SHISA5: variants seen among roughly 807,000 people sequenced by gnomAD.
SHISA5 encodes the protein shisa family member 5, also known as protein shisa-5.
In SHISA5, 21 loss-of-function variants were observed where a neutral mutation model predicts 27.5. The observed-to-expected ratio is 0.76, with a 90% confidence interval of 0.54 to 1.10. SHISA5 has a LOEUF of 1.10. Ranked by LOEUF, SHISA5 falls within the 50% of genes least tolerant of loss-of-function variation. The pLI is 0.00. For missense variants in SHISA5, 314 were observed against 336.3 expected (o/e 0.93, Z 0.52); for synonymous variants, 137 against 142.2 (o/e 0.96, Z 0.26).
intron 1 of SHISA5, among the ~76,000 whole-genome samples, chr3:48,503,508 CTG>C (rs1189614633): frequency 6.6e-6 from 1 of 152,234 alleles, no homozygotes; most frequent in Non-Finnish European, 1.5e-5. Flanking sequence ...CTTCCAGACT[CTG>C]TGAATCACCT....
chr3:48,497,765 G>C (rs1372433941), intron 2 of SHISA5, among the ~76,000 whole-genome samples: 1 of 151,994 alleles, frequency 6.6e-6, no homozygotes, highest in Admixed American at 6.6e-5. Flanking sequence ...GCAGGCACCT[G>C]TAATCCCAGC....
intron 2 of SHISA5, among the ~76,000 whole-genome samples, chr3:48,494,299 CTT>C (rs1328472129): frequency 2.5e-4 from 32 of 129,662 alleles, no homozygotes; most frequent in African/African-American, 3.2e-4. Context: ...TCTGGATTTC[CTT>C]TTTTTTTTTT....
At chr3:48,486,594 T>G (rs180938803) in intron 2 of SHISA5, among the ~76,000 whole-genome samples, 2,145 of 131,060 alleles carry the variant, frequency 0.016, 59 homozygotes, top group African/African-American at 0.055. Context: ...ATTATATATA[T>G]AGATTATATA....
chr3:48,499,026 G>A (rs756154006), intron 2 of SHISA5, among the ~76,000 whole-genome samples: 3 of 145,844 alleles, frequency 2.1e-5, no homozygotes, highest in Non-Finnish European at 3.0e-5. Flanking sequence ...AGGTTGTGGT[G>A]AGCCAAGAAC....
In SHISA5 at chr3:48,473,165, G is replaced by A. The variant is rs1311220430; in HGVS notation, c.315-3322C>T. The A allele has an allele frequency of 6.9e-6, 10 of 1,444,126 alleles. No individual in the cohort carries two copies. Among genetic ancestry groups the A allele is most frequent in the Admixed American group, 2.7e-5 (1 of 37,696 alleles). The allele number at this position is 1,444,126 out of a possible 1,614,324, so 89.5% of individuals were successfully genotyped here. A position where few individuals can be genotyped will look rare whatever the true frequency, so the allele number is the denominator to read the frequency against. On this transcript the variant is annotated intron_variant, in intron 3 of 5. Coordinates refer to ENST00000296444, the MANE Select transcript of SHISA5 (RefSeq NM_016479.6). The surrounding 1 kb of genome is among the most constrained non-coding windows in gnomAD (Gnocchi z 4.3). ...CGTCAGCCACAGGAAGCACAGACGC[G>A]AAGCCCCGTTCCACCCTCTTAAAGA...
intron 3 of SHISA5, among the ~76,000 whole-genome samples, chr3:48,478,801 A>C (rs2040906086): frequency 6.6e-6 from 1 of 152,058 alleles, no homozygotes; most frequent in Admixed American, 6.6e-5. Flanking sequence ...ACCAATGCCC[A>C]ATCACAATAT....
Position 48,470,467 on chromosome 3 carries a change from C to A in SHISA5, c.315-624G>T, listed in dbSNP as rs1341945686. On this transcript the variant is annotated intron_variant, in intron 3 of 5. Coordinates refer to ENST00000296444, the MANE Select transcript of SHISA5 (RefSeq NM_016479.6). The surrounding 1 kb of genome is among the most constrained non-coding windows in gnomAD (Gnocchi z 4.3). ...CTGCAAGCTTGCTGTATGCCAAGCA[C>A]CGTGCCAGGGGTCACACACACCCCT... Among the ~76,000 whole-genome samples, 1 of 152,218 alleles carries A rather than the reference C, an allele frequency of 6.6e-6. No homozygotes were observed. The highest frequency in any genetic ancestry group is 1.5e-5 in the Non-Finnish European group (1 of 68,050).
At chr3:48,482,739 G>C (rs1388440673) in intron 2 of SHISA5, among the ~76,000 whole-genome samples, 1 of 151,786 alleles carries the variant, frequency 6.6e-6, no homozygotes, top group Non-Finnish European at 1.5e-5. Context: ...AGGTTCAAGC[G>C]ATTCTCCTGC....
At position 48,488,560 on chromosome 3, in the gene SHISA5, G is replaced by A. The variant is rs531838306; in HGVS notation, c.234-9303C>T. 5.4e-5 allele frequency among the ~76,000 whole-genome samples: 8 copies of A among 148,516 alleles called. No homozygotes were observed. The East Asian group carries it at 1.6e-3, about 30-fold the overall frequency. Reference sequence around the variant, plus strand: ...ATAGTAAAATGTGAAAAGGCCGGGCGCGGTGGCTCACGCCTGTAATCCCAG... The same window carrying A: ...ATAGTAAAATGTGAAAAGGCCGGGCACGGTGGCTCACGCCTGTAATCCCAG... On this transcript the variant is annotated intron_variant, in intron 2 of 5. Coordinates refer to ENST00000296444, the MANE Select transcript of SHISA5 (RefSeq NM_016479.6).
chr3:48,504,460 G>A (rs2041845125), upstream of SHISA5: 1 of 196,012 alleles, frequency 5.1e-6, no homozygotes, highest in African/African-American at 2.3e-5. The surrounding 1 kb of genome is among the most constrained non-coding windows in gnomAD (Gnocchi z 4.0). Flanking sequence ...CCAGCTCTCA[G>A]GCCTGGAGGG....
chr3:48,481,602 A>G (rs963006924), intron 2 of SHISA5, among the ~76,000 whole-genome samples: 19 of 151,874 alleles, frequency 1.3e-4, no homozygotes, highest in African/African-American at 3.9e-4. Context: ...CAGCCTGGCC[A>G]ACGTGGCGAA....
chr3:48,471,495 T>C (rs1291659059), intron 3 of SHISA5, among the ~76,000 whole-genome samples: 1 of 133,748 alleles, frequency 7.5e-6, no homozygotes, highest in African/African-American at 2.9e-5. Context: ...GTGGAGGTTG[T>C]AGTGAGCCAA....
chr3:48,492,196 C>T (rs1470866196), intron 2 of SHISA5, among the ~76,000 whole-genome samples: 1 of 135,964 alleles, frequency 7.4e-6, no homozygotes, highest in Non-Finnish European at 1.5e-5. Flanking sequence ...AAAGGCCAGG[C>T]GCGGTGGCTC....
chr3:48,479,884 C>G (rs1196177609), intron 2 of SHISA5, among the ~76,000 whole-genome samples: 1 of 151,260 alleles, frequency 6.6e-6, no homozygotes. Flanking sequence ...AGCCACCACA[C>G]CTGGCCTACA....
chr3:48,493,832 C>T lies in SHISA5; in HGVS notation c.233+7305G>A, dbSNP rs1575328518. 3.4e-5 allele frequency among the ~76,000 whole-genome samples: 5 copies of T among 147,224 alleles called. 1 individual carries two copies. The highest frequency in any genetic ancestry group is 1.3e-4 in the Admixed American group (2 of 15,060). ...ACAGGCATCAGCCACTGCACCCATC[C>T]GATTTCTTTTTTAACTGACAAAAAT... On this transcript the variant is annotated intron_variant, in intron 2 of 5. Coordinates refer to ENST00000296444, the MANE Select transcript of SHISA5 (RefSeq NM_016479.6).
intron 1 of SHISA5, among the ~76,000 whole-genome samples, chr3:48,501,927 C>G (rs990882619): frequency 2.7e-5 from 4 of 148,588 alleles, no homozygotes; most frequent in African/African-American, 1.0e-4. Context: ...GTGGTGCGAT[C>G]TCAGCTCACT....
intron 2 of SHISA5, among the ~76,000 whole-genome samples, chr3:48,490,143 G>A (rs1016808601): frequency 2.0e-5 from 3 of 151,964 alleles, no homozygotes; most frequent in Admixed American, 6.6e-5. Flanking sequence ...GCGCAATCTC[G>A]GTTCACTACA....
rs1312722415 is a variant in SHISA5 at position 48,504,080 on chromosome 3, G to A, written c.15C>T (p.Val5=). 4 of 1,394,360 alleles carry A rather than the reference G, an allele frequency of 2.9e-6. No homozygotes were observed. Among genetic ancestry groups the A allele is most frequent in the Non-Finnish European group, 3.8e-6 (4 of 1,064,934 alleles). 86.4% of individuals were successfully genotyped at this position (1,394,360 alleles called of 1,614,324 possible). A position where few individuals can be genotyped will look rare whatever the true frequency, so the allele number is the denominator to read the frequency against. Reference sequence around the variant, plus strand: ...ACGGCAACAGGATCCGCGGCGCGGGGACCGGCGCAGTCATGGCTGGGCGGG... The same window carrying A: ...ACGGCAACAGGATCCGCGGCGCGGGAACCGGCGCAGTCATGGCTGGGCGGG... MTAP[V]PAPRILLPLL... Residue 5 remains valine (V), a synonymous_variant, in exon 1 of 6, where the codon GTC becomes GTT. Coordinates refer to ENST00000296444, the MANE Select transcript of SHISA5 (RefSeq NM_016479.6). The surrounding 1 kb of genome is among the most constrained non-coding windows in gnomAD (Gnocchi z 4.0).
intron 3 of SHISA5, among the ~76,000 whole-genome samples, chr3:48,478,816 G>A (rs114725243): frequency 9.9e-4 from 149 of 150,814 alleles, no homozygotes; most frequent in African/African-American, 3.5e-3. Flanking sequence ...CAATATACCC[G>A]CCCCCATCTA....
Sources: allele counts gnomAD v4.1 joint callset (sites outside exome capture counted in the v4.1 genomes callset), GRCh38; gene constraint gnomAD v4.1.1; non-coding constraint Gnocchi (gnomAD v3.1); transcripts MANE v1.5; gene names NCBI Gene and HGNC (gene_info 2026-07-23, HGNC 2026-07-21).